Variants in CA10 observed in about 807,000 individuals in gnomAD.
CA10 encodes carbonic anhydrase 10 (inactive).
In CA10, 14 loss-of-function variants were observed where a neutral mutation model predicts 44.2. That is an observed-to-expected ratio of 0.32 (90% CI 0.21 to 0.50). CA10 has a LOEUF of 0.50. CA10 is among the 20% of genes least tolerant of loss of function. The pLI is 0.99. For missense variants in CA10, 350 were observed against 409.7 expected, an observed-to-expected ratio of 0.85 and a Z score of 1.26; for synonymous variants, 159 against 141.6, an observed-to-expected ratio of 1.12 and a Z score of -0.87.
chr17:51,966,692 A>G (rs1311189748), intron 2 of CA10, among the ~76,000 whole-genome samples: 3 of 151,920 alleles, frequency 2.0e-5, no homozygotes, highest in Non-Finnish European at 2.9e-5. Context: ...TTCACCATAT[A>G]TGAACCTTAA....
At chr17:52,052,319 C>G (rs1441188687) in intron 2 of CA10, among the ~76,000 whole-genome samples, 1 of 140,816 alleles carries the variant, frequency 7.1e-6, no homozygotes, top group African/African-American at 2.6e-5. Context: ...AAAAAAAAGA[C>G]AGGCATTCAC....
intron 3 of CA10, among the ~76,000 whole-genome samples, chr17:51,896,839 T>C (rs1182248867): frequency 6.6e-6 from 1 of 152,226 alleles, no homozygotes; most frequent in African/African-American, 2.4e-5. Flanking sequence ...TGATTAGTGA[T>C]GTTGAGCATT....
chr17:51,991,513 A>C (rs541472799), intron 2 of CA10, among the ~76,000 whole-genome samples: 1 of 152,276 alleles, frequency 6.6e-6, no homozygotes, highest in Non-Finnish European at 1.5e-5. Context: ...GGTGCTTAAT[A>C]AATGCCTTTT....
intron 4 of CA10, among the ~76,000 whole-genome samples, chr17:51,743,933 A>G (rs944689577): frequency 1.3e-5 from 2 of 152,236 alleles, no homozygotes; most frequent in African/African-American, 4.8e-5. Context: ...TAAAAGTTGA[A>G]ATTCATTTTT....
chr17:51,801,318 G>A (rs115811520), intron 3 of CA10, among the ~76,000 whole-genome samples: 253 of 152,196 alleles, frequency 1.7e-3, no homozygotes, highest in African/African-American at 5.9e-3. Context: ...ACTTGTGGTC[G>A]TCAGTAAATC....
rs190379398 is a variant in CA10, at chr17:51,847,759, C to T, written c.279+83231G>A. 2.6e-5 allele frequency among the ~76,000 whole-genome samples: 4 copies of T among 152,178 alleles called. No homozygotes were observed. The East Asian group carries it at 7.7e-4, about 29-fold the overall frequency. On this transcript the variant is annotated intron_variant, in intron 3 of 8. Transcript: ENST00000451037. ...GCAGCCTTCCATGGGTCTCTGTAACCAAAGCTTCTAGACAGCACCCCTTGG... is the reference window on the plus strand; with the variant it reads ...GCAGCCTTCCATGGGTCTCTGTAACTAAAGCTTCTAGACAGCACCCCTTGG...
intron 2 of CA10, among the ~76,000 whole-genome samples, chr17:52,003,075 T>G (rs773745500): frequency 1.3e-5 from 2 of 152,000 alleles, no homozygotes; most frequent in Admixed American, 1.3e-4. Flanking sequence ...GAGATCAAGC[T>G]GCTTCCACTT....
intron 3 of CA10, among the ~76,000 whole-genome samples, chr17:51,763,769 C>T (rs1188479169): frequency 6.6e-6 from 1 of 152,092 alleles, no homozygotes; most frequent in African/African-American, 2.4e-5. Flanking sequence ...AGCAGAGTAA[C>T]CTTTCCTTCT....
At chr17:51,869,648 G>A (rs1421971446) in intron 3 of CA10, among the ~76,000 whole-genome samples, 1 of 152,138 alleles carries the variant, frequency 6.6e-6, no homozygotes, top group Non-Finnish European at 1.5e-5. Flanking sequence ...AGTGGCTCAT[G>A]CTTGTGATCC....
intron 2 of CA10, among the ~76,000 whole-genome samples, chr17:52,036,528 G>T (rs1314206887): frequency 6.6e-6 from 1 of 152,078 alleles, no homozygotes; most frequent in East Asian, 1.9e-4. Context: ...AGAATAAATA[G>T]TCATCCAACA....
intron 3 of CA10, among the ~76,000 whole-genome samples, chr17:51,868,833 C>G (rs1979670851): frequency 6.6e-6 from 1 of 151,704 alleles, no homozygotes; most frequent in Admixed American, 6.6e-5. Flanking sequence ...CACTCATGAT[C>G]ATTCTCAAAT....
intron 4 of CA10, among the ~76,000 whole-genome samples, chr17:51,662,321 A>C (rs932643542): frequency 2.6e-5 from 4 of 152,224 alleles, no homozygotes; most frequent in African/African-American, 9.6e-5. Flanking sequence ...TATATTCCAT[A>C]GCCTAAAACA....
intron 3 of CA10, among the ~76,000 whole-genome samples, chr17:51,869,603 T>C (rs1055468772): frequency 1.3e-5 from 2 of 152,182 alleles, no homozygotes; most frequent in Non-Finnish European, 2.9e-5. Flanking sequence ...TGACTCAGAA[T>C]GAGGCACGGA....
At chr17:51,913,461 G>T (rs1183088409) in intron 3 of CA10, among the ~76,000 whole-genome samples, 1 of 152,152 alleles carries the variant, frequency 6.6e-6, no homozygotes. Flanking sequence ...TAAATTGTTT[G>T]TCTGAGATTT....
chr17:51,858,953 G>A (rs1157511396), intron 3 of CA10, among the ~76,000 whole-genome samples: 1 of 151,898 alleles, frequency 6.6e-6, no homozygotes, highest in Non-Finnish European at 1.5e-5. Flanking sequence ...GTTCCCATTT[G>A]CAAAATGGGA....
chr17:51,806,177 A>G (rs982498022), intron 3 of CA10, among the ~76,000 whole-genome samples: 2 of 152,204 alleles, frequency 1.3e-5, no homozygotes, highest in Admixed American at 6.5e-5. Context: ...GCAGTGTGAC[A>G]TACCTCAATC....
chr17:52,090,585 T>G (rs367889773), intron 1 of CA10, among the ~76,000 whole-genome samples: 1 of 152,164 alleles, frequency 6.6e-6, no homozygotes, highest in Non-Finnish European at 1.5e-5. Flanking sequence ...ATATACATCC[T>G]GGATAGATTT....
At chr17:51,734,966 A>AAGGAGGAG (rs1291335305) in intron 4 of CA10, among the ~76,000 whole-genome samples, 7 of 152,150 alleles carry the variant, frequency 4.6e-5, no homozygotes, top group Non-Finnish European at 1.0e-4. Flanking sequence ...AAAGGGAAAG[A>AAGGAGGAG]AGGAGGAGGC....
At chr17:52,063,215 A>G (rs1445323512) in intron 2 of CA10, among the ~76,000 whole-genome samples, 4 of 152,222 alleles carry the variant, frequency 2.6e-5, no homozygotes, top group Non-Finnish European at 5.9e-5. Flanking sequence ...CAAACATTGC[A>G]TATTATAAGT....
Sources: gnomAD v4.1 joint callset for allele counts (sites outside exome capture counted in the v4.1 genomes callset) on GRCh38, gnomAD v4.1.1 for gene constraint, MANE v1.5 for transcripts, NCBI Gene and HGNC (gene_info 2026-07-23, HGNC 2026-07-21) for gene names.